ARHGAP20: variants seen among roughly 807,000 people sequenced by gnomAD.
ARHGAP20 encodes the protein Rho GTPase activating protein 20.
A neutral mutation model predicts 73.7 loss-of-function variants in ARHGAP20; 34 were observed. That is an observed-to-expected ratio of 0.46 (90% confidence interval 0.35 to 0.61). ARHGAP20 has a LOEUF of 0.61. Ranked by LOEUF, ARHGAP20 falls within the 20% of genes least tolerant of loss-of-function variation. The pLI, the probability that ARHGAP20 is intolerant of heterozygous loss-of-function variation, is 0.00. For missense variants in ARHGAP20, 1,314 were observed against 1,420.9 expected, an observed-to-expected ratio of 0.92 and a Z score of 1.21; for synonymous variants, 523 against 518.2, an observed-to-expected ratio of 1.01 and a Z score of -0.13.
At chr11:110,645,046 A>G (rs145103955) in intron 2 of ARHGAP20, among the ~76,000 whole-genome samples, 2 of 150,204 alleles carry the variant, frequency 1.3e-5, no homozygotes, top group East Asian at 2.0e-4. Context: ...GTCTCACTCT[A>G]TCACCCAGAC....
At chr11:110,591,633 C>T (rs1174377813) in intron 10 of ARHGAP20, among the ~76,000 whole-genome samples, 2 of 151,862 alleles carry the variant, frequency 1.3e-5, no homozygotes, top group African/African-American at 2.4e-5. Flanking sequence ...AGTGTAGGAT[C>T]GAGTAGTTTC....
chr11:110,630,526 C>A (rs921463647), intron 3 of ARHGAP20, 102 bp downstream of exon 3: 6 of 1,238,282 alleles, frequency 4.8e-6, no homozygotes, highest in Admixed American at 4.7e-5. Flanking sequence ...CCTATAGTAA[C>A]AAAGGCAAGA....
chr11:110,711,756 C>G, intron 1 of ARHGAP20: 1 of 1,361,284 alleles, frequency 7.3e-7, no homozygotes, highest in Non-Finnish European at 9.4e-7. Flanking sequence ...CAGGCCACTT[C>G]GGGAGGCCCA....
intron 3 of ARHGAP20, among the ~76,000 whole-genome samples, chr11:110,624,928 A>G (rs1207148779): frequency 1.3e-5 from 2 of 152,188 alleles, no homozygotes; most frequent in Non-Finnish European, 2.9e-5. Flanking sequence ...GCTGTTACAA[A>G]ATATTAATTC....
intron 2 of ARHGAP20, among the ~76,000 whole-genome samples, chr11:110,658,727 A>G (rs1358000151): frequency 2.6e-5 from 4 of 152,110 alleles, no homozygotes; most frequent in Non-Finnish European, 5.9e-5. Context: ...TGCACCGAGA[A>G]CTGAGGTTTA....
At position 110,579,564 on chromosome 11, in the gene ARHGAP20, G is replaced by C; in HGVS notation, c.3382C>G (p.Leu1128Val). 2 of 1,613,830 alleles carry C rather than the reference G, an allele frequency of 1.2e-6. No homozygotes were observed. Among genetic ancestry groups the C allele is most frequent in the East Asian group, 4.5e-5 (2 of 44,844 alleles). ...SERHCSSPFS[L>V]VESRLKLCMK... ...CACAGCTTAAGTCTGCTCTCCACCA[G>C]GCTGAATGGAGAGCTACAGTGTCTC... The change falls in exon 15 of 15, where the codon CTG becomes GTG. Residue 1128 changes from leucine (L) to valine (V), a missense_variant. By Grantham distance (32) the Leu-to-Val change is conservative (BLOSUM62 1). Transcript: ENST00000683387.
intron 2 of ARHGAP20, among the ~76,000 whole-genome samples, chr11:110,645,959 A>G (rs1597350): frequency 0.25 from 37,706 of 151,574 alleles, 4,782 homozygotes; most frequent in Middle Eastern, 0.32. Flanking sequence ...GACACTGGGG[A>G]CTATTAGAAG....
At chr11:110,642,952 A>G (rs1259100779) in intron 2 of ARHGAP20, among the ~76,000 whole-genome samples, 2 of 151,984 alleles carry the variant, frequency 1.3e-5, no homozygotes, top group African/African-American at 4.8e-5. Context: ...TACTGCTTCA[A>G]TTTCAGAACT....
chr11:110,596,556 C>T (rs773030033), intron 9 of ARHGAP20, among the ~76,000 whole-genome samples: 4 of 152,082 alleles, frequency 2.6e-5, no homozygotes, highest in Admixed American at 6.6e-5. Flanking sequence ...ATCATCACTG[C>T]CCATCAGAGA....
chr11:110,604,424 G>A (rs1208687235), intron 9 of ARHGAP20, among the ~76,000 whole-genome samples: 1 of 152,076 alleles, frequency 6.6e-6, no homozygotes, highest in Non-Finnish European at 1.5e-5. Flanking sequence ...CAATTTAGTT[G>A]AGCAAGTCAT....
intron 14 of ARHGAP20, 132 bp from the exon 15 acceptor site, chr11:110,581,357 A>G (rs943422450): frequency 4.8e-6 from 5 of 1,037,232 alleles, no homozygotes; most frequent in Non-Finnish European, 6.7e-6. Flanking sequence ...ATCTTTCACA[A>G]TCTCAATTGT....
chr11:110,581,349 C>T, intron 14 of ARHGAP20, 124 bp from the exon 15 acceptor site: 1 of 1,067,808 alleles, frequency 9.4e-7, no homozygotes, highest in Non-Finnish European at 1.3e-6. Flanking sequence ...AAGAGAGAAT[C>T]TTTCACAATC....
chr11:110,579,200 T>A lies in ARHGAP20; in HGVS notation c.*170A>T. 1 of 1,309,674 alleles carries A rather than the reference T, an allele frequency of 7.6e-7. No individual in the cohort carries two copies. Among genetic ancestry groups the A allele is most frequent in the Non-Finnish European group, 9.7e-7 (1 of 1,027,606 alleles). The allele number at this position is 1,309,674 out of a possible 1,614,324, so 81.1% of individuals were successfully genotyped here. A position where few individuals can be genotyped will look rare whatever the true frequency, so the allele number is the denominator to read the frequency against. On this transcript the variant is annotated 3_prime_UTR_variant, in exon 15 of 15. Coordinates refer to ENST00000683387, the MANE Select transcript of ARHGAP20 (RefSeq NM_001384657.1). ...AGGTGACAAAATTTTTAGCATAAAG[T>A]ATTTGTCAAGTAGTCTCAATAAAGA... is the stretch of plus-strand genomic sequence containing the variant.
chr11:110,679,570 G>A (rs557738843), intron 2 of ARHGAP20, among the ~76,000 whole-genome samples: 2 of 152,302 alleles, frequency 1.3e-5, no homozygotes, highest in Admixed American at 6.5e-5. Context: ...CATTCATACT[G>A]ATTTTCATTC....
Position 110,577,081 on chromosome 11 carries a change from C to T in ARHGAP20, c.*2289G>A. On this transcript the variant is annotated 3_prime_UTR_variant, in exon 15 of 15. Transcript: ENST00000683387. ...GCAGAATGGCATTTTATTTAACAGA[C>T]AGCATGGACTTCATACATATCCATT... 6.6e-7 allele frequency: 1 copy of T among 1,510,070 alleles called. No homozygotes were observed. Among genetic ancestry groups the T allele is most frequent in the Non-Finnish European group, 8.9e-7 (1 of 1,128,816 alleles). 93.5% of individuals were successfully genotyped at this position (1,510,070 alleles called of 1,614,324 possible).
In ARHGAP20 at chr11:110,690,558, C is replaced by T; in HGVS notation, c.177G>A (p.Arg59=). The T allele has an allele frequency of 3.1e-6, 5 of 1,613,880 alleles. No individual in the cohort carries two copies. The highest frequency in any genetic ancestry group is 4.2e-6 in the Non-Finnish European group (5 of 1,179,884). ...SLILDKALQK[R]PTTRDSPSAS... is the part of the protein sequence containing the mutation. ...AGCTTTGCACTTACCTGGTAGTAGG[C>T]CGTTTTTGTAGGGCTTTATCCAGGA... Residue 59 remains arginine (R), a synonymous_variant, in exon 2 of 15, where the codon CGG becomes CGA. Transcript: ENST00000683387.
At chr11:110,640,792 T>C (rs549250742) in intron 2 of ARHGAP20, among the ~76,000 whole-genome samples, 1 of 151,684 alleles carries the variant, frequency 6.6e-6, no homozygotes, top group East Asian at 1.9e-4. Context: ...TTAAGAGATA[T>C]ACCTAATGTA....
chr11:110,593,498 G>A (rs1027914575), intron 9 of ARHGAP20, among the ~76,000 whole-genome samples: 1 of 152,192 alleles, frequency 6.6e-6, no homozygotes, highest in Non-Finnish European at 1.5e-5. Flanking sequence ...GGTAGATATA[G>A]AGGTCAAAGT....
chr11:110,634,260 C>T lies in ARHGAP20; in HGVS notation c.189-3468G>A, dbSNP rs549718368. Among the ~76,000 whole-genome samples, 4 of 152,054 alleles carry T rather than the reference C, an allele frequency of 2.6e-5. No individual in the cohort carries two copies. The South Asian group carries it at 8.4e-4, about 32-fold the overall frequency. On this transcript the variant is annotated intron_variant, in intron 2 of 14. Coordinates refer to ENST00000683387, the MANE Select transcript of ARHGAP20 (RefSeq NM_001384657.1). ...GAGTAAAAGGATGAGAAGTGAGGAA[C>T]TAAAGGCAAAACTCTTGTTGTTTTT...
Sources: gnomAD v4.1 joint callset for allele counts (sites outside exome capture counted in the v4.1 genomes callset) on GRCh38, gnomAD v4.1.1 for gene constraint, MANE v1.5 for transcripts, NCBI Gene and HGNC (gene_info 2026-07-23, HGNC 2026-07-21) for gene names.